STAG1: variants seen among roughly 807,000 people sequenced by gnomAD.
The protein encoded by STAG1 is STAG1 cohesin complex component, also known as cohesin subunit SA-1.
STAG1 carries 26 observed loss-of-function variants against 170.9 expected under a neutral mutation model. The ratio of observed to expected loss-of-function variants is 0.15; its 90% CI spans 0.11 to 0.21. The LOEUF (loss-of-function observed/expected upper bound fraction) is 0.21. Among genes scored for constraint, STAG1 ranks in the 10% least tolerant of loss-of-function variants. The pLI is 1.00. For synonymous variants in STAG1, 514 were observed against 497.7 expected (o/e 1.03, Z -0.44); for missense variants, 964 against 1,509.5 (o/e 0.64, Z 5.99).
chr3:136,424,181 T>TG (rs2088042926), intron 16 of STAG1, among the ~76,000 whole-genome samples: 1 of 152,166 alleles, frequency 6.6e-6, no homozygotes, highest in Admixed American at 6.5e-5. Flanking sequence ...AACTACTGTG[T>TG]TTACCTCTGC....
At chr3:136,413,221 T>A (rs1355321469) in intron 21 of STAG1, among the ~76,000 whole-genome samples, 1 of 148,196 alleles carries the variant, frequency 6.7e-6, no homozygotes, top group Non-Finnish European at 1.5e-5. Flanking sequence ...ATATATTATA[T>A]ATAATTTATA....
At chr3:136,712,135 A>C (rs1943400028) in intron 1 of STAG1, among the ~76,000 whole-genome samples, 1 of 152,168 alleles carries the variant, frequency 6.6e-6, no homozygotes. Flanking sequence ...CCCCTGCCTC[A>C]GCCTCCTGAG....
At chr3:136,687,611 T>C (rs1352228595) in intron 1 of STAG1, among the ~76,000 whole-genome samples, 2 of 152,158 alleles carry the variant, frequency 1.3e-5, no homozygotes, top group South Asian at 2.1e-4. Flanking sequence ...ATTTGGATCA[T>C]GGATAGATGA....
At chr3:136,641,431 G>T (rs924433283) in intron 1 of STAG1, among the ~76,000 whole-genome samples, 1 of 152,164 alleles carries the variant, frequency 6.6e-6, no homozygotes, top group Non-Finnish European at 1.5e-5. Context: ...ATAACCAACT[G>T]ATTACAGTTA....
rs139024744 is a variant in STAG1 at position 136,707,382 on chromosome 3, G to C, written c.-84+44813C>G. Reference sequence around the variant, plus strand: ...CAATTTACAAATGGGCAAAGGACTTGAAAAGACATTTTTCCAAAGAAGATA... The same window carrying C: ...CAATTTACAAATGGGCAAAGGACTTCAAAAGACATTTTTCCAAAGAAGATA... On this transcript the variant is annotated intron_variant, in intron 1 of 33. Coordinates refer to ENST00000383202, the MANE Select transcript of STAG1 (RefSeq NM_005862.3). Among the ~76,000 whole-genome samples the C allele has an allele frequency of 2.0e-5, 3 of 152,204 alleles. No individual in the cohort carries two copies. In the East Asian group the frequency reaches 5.8e-4, roughly 29 times the overall value.
intron 4 of STAG1, among the ~76,000 whole-genome samples, chr3:136,599,883 A>G (rs1938590855): frequency 6.6e-6 from 1 of 152,180 alleles, no homozygotes; most frequent in Non-Finnish European, 1.5e-5. Flanking sequence ...CATCTTCAAC[A>G]TACATATTCA....
intron 12 of STAG1, among the ~76,000 whole-genome samples, chr3:136,465,716 A>G (rs1476313635): frequency 6.6e-6 from 1 of 152,074 alleles, no homozygotes; most frequent in Non-Finnish European, 1.5e-5. Flanking sequence ...TAGGGTCCAC[A>G]TATTAGACCA....
At chr3:136,720,544 C>T (rs1213347356) in intron 1 of STAG1, among the ~76,000 whole-genome samples, 1 of 152,162 alleles carries the variant, frequency 6.6e-6, no homozygotes, top group Non-Finnish European at 1.5e-5. Context: ...AATACCAGCA[C>T]TTTGGGAGGC....
At chr3:136,617,564 A>C (rs568090652) in intron 3 of STAG1, among the ~76,000 whole-genome samples, 1 of 152,338 alleles carries the variant, frequency 6.6e-6, no homozygotes, top group African/African-American at 2.4e-5. Context: ...AGATTGACTT[A>C]GTCCTAGCTT....
At chr3:136,349,413 A>C (rs1312275393) in intron 28 of STAG1, 50 bp from the exon 29 acceptor site, 2 of 1,408,216 alleles carry the variant, frequency 1.4e-6, no homozygotes, top group African/African-American at 2.8e-5. Context: ...CAGTTCATAC[A>C]TCACTTACTT....
intron 3 of STAG1, among the ~76,000 whole-genome samples, chr3:136,622,328 A>G (rs1017861278): frequency 3.3e-5 from 5 of 151,830 alleles, no homozygotes; most frequent in African/African-American, 1.2e-4. Flanking sequence ...GTGGGGGGGA[A>G]AGAAGAAACA....
Position 136,357,725 on chromosome 3 carries a change from C to G in STAG1, c.3060G>C (p.Lys1020Asn). The G allele has an allele frequency of 1.3e-6, 2 of 1,599,190 alleles. No individual in the cohort carries two copies. The highest frequency in any genetic ancestry group is 1.7e-6 in the Non-Finnish European group (2 of 1,176,568). Residue 1020 changes from lysine to asparagine, a missense_variant, in exon 28 of 34, where the codon AAG becomes AAC. Physicochemically the swap from Lys to Asn is moderately conservative, Grantham distance 94. Around this residue, in one of 11 missense-constraint regions of STAG1, gnomAD observed 149 missense variants for 301.3 expected, o/e 0.49. Transcript: ENST00000383202. ...FSSKLLRQDK[K>N]TVHSYLEKFL... ...TCTTGTAATGTGCAACTTACACTGT[C>G]TTTTTGTCCTGTCGAAGAAGTTTAG...
rs145866544 is a variant in STAG1, at chr3:136,676,638, T to C, written c.-83-45657A>G. Among the ~76,000 whole-genome samples, 5 of 152,184 alleles carry C rather than the reference T, an allele frequency of 3.3e-5. No homozygotes were observed. The East Asian group carries it at 5.8e-4, about 18-fold the overall frequency. ...TTTTTAAATTTTGTATTTGTGGAGATAGGGTTTCACTATGTCTCCTAGACT... is the reference window on the plus strand; with the variant it reads ...TTTTTAAATTTTGTATTTGTGGAGACAGGGTTTCACTATGTCTCCTAGACT... On this transcript the variant is annotated intron_variant, in intron 1 of 33. Transcript: ENST00000383202.
At chr3:136,338,599 T>G (rs1576368110) in intron 32 of STAG1, 149 bp from the exon 33 acceptor site, 2 of 629,280 alleles carry the variant, frequency 3.2e-6, no homozygotes, top group Admixed American at 3.2e-5. Context: ...GGCTTTTATA[T>G]GAAATAGATT....
chr3:136,361,372 A>G (rs1287640565), intron 26 of STAG1, among the ~76,000 whole-genome samples: 2 of 152,218 alleles, frequency 1.3e-5, no homozygotes, highest in East Asian at 3.8e-4. Context: ...GACTGCTGCA[A>G]TAAAACATCT....
chr3:136,403,993 A>G (rs943148223), intron 21 of STAG1, among the ~76,000 whole-genome samples: 1 of 152,210 alleles, frequency 6.6e-6, no homozygotes, highest in Non-Finnish European at 1.5e-5. Context: ...TTCTATAACA[A>G]TATAGCTTAT....
intron 6 of STAG1, among the ~76,000 whole-genome samples, chr3:136,530,979 C>A (rs1020271207): frequency 1.3e-5 from 2 of 152,032 alleles, no homozygotes; most frequent in African/African-American, 4.8e-5. Context: ...GTCATGGGCG[C>A]CTGTAATCCC....
At chr3:136,374,772 C>T (rs2108302948) in intron 23 of STAG1, among the ~76,000 whole-genome samples, 1 of 151,680 alleles carries the variant, frequency 6.6e-6, no homozygotes, top group South Asian at 2.1e-4. Flanking sequence ...GAAAGAAAAA[C>T]ATTTTAATTA....
intron 22 of STAG1, among the ~76,000 whole-genome samples, chr3:136,390,276 T>C (rs2086973983): frequency 6.6e-6 from 1 of 152,250 alleles, no homozygotes. Flanking sequence ...AAATCGAAGA[T>C]ATTTATTTCT....
Sources: allele counts gnomAD v4.1 joint callset (sites outside exome capture counted in the v4.1 genomes callset), GRCh38; gene constraint gnomAD v4.1.1; regional missense constraint gnomAD v4.1.1; transcripts MANE v1.5; gene names NCBI Gene and HGNC (gene_info 2026-07-23, HGNC 2026-07-21).